The following FCHSD2 variants were observed in gnomAD, a reference collection of about 807,000 sequenced individuals.
FCHSD2 encodes the protein FCH and double SH3 domains 2.
A neutral mutation model predicts 108.1 loss-of-function variants in FCHSD2; 38 were observed. The ratio of observed to expected loss-of-function variants is 0.35; its 90% CI spans 0.27 to 0.46. The LOEUF is 0.46. FCHSD2 is among the 20% of genes least tolerant of loss of function. The probability of loss-of-function intolerance (pLI) is 1.00; values close to 1 mark genes in which losing one functional copy is unlikely to be tolerated. For missense variants in FCHSD2, 751 were observed against 897.8 expected (o/e 0.84, Z 2.09); for synonymous variants, 279 against 314.7 (o/e 0.89, Z 1.20).
Position 72,988,960 on chromosome 11 carries a change from A to G in FCHSD2, c.521+4T>C. 1 of 1,600,492 alleles carries G rather than the reference A, an allele frequency of 6.2e-7. No homozygotes were observed. The highest frequency in any genetic ancestry group is 8.5e-7 in the Non-Finnish European group (1 of 1,174,396). On this transcript the variant is annotated splice_donor_region_variant and intron_variant, in intron 6 of 19. Coordinates refer to ENST00000409418, the MANE Select transcript of FCHSD2 (RefSeq NM_014824.3). ...AATTTTCTCAGAAATGTTAAAACAC[A>G]TACTTTGCCTCGATGTCAGCTTTCT... is the stretch of plus-strand genomic sequence containing the variant.
intron 8 of FCHSD2, chr11:72,940,574 G>C: frequency 1.6e-6 from 2 of 1,248,250 alleles, no homozygotes; most frequent in Non-Finnish European, 2.3e-6. Context: ...CTGAGAGTCA[G>C]CTGCTGGCAG....
At chr11:73,052,708 G>T (rs554771205) in intron 3 of FCHSD2, among the ~76,000 whole-genome samples, 7 of 152,006 alleles carry the variant, frequency 4.6e-5, no homozygotes, top group African/African-American at 1.7e-4. Context: ...TTATATATTC[G>T]GTATTTTTAA....
At chr11:73,087,910 C>T (rs1476443711) in intron 2 of FCHSD2, among the ~76,000 whole-genome samples, 1 of 152,072 alleles carries the variant, frequency 6.6e-6, no homozygotes, top group Admixed American at 6.6e-5. Flanking sequence ...CATCTTTTTC[C>T]GTCTGTCTCC....
At chr11:72,944,462 T>C (rs1425777783) in intron 8 of FCHSD2, among the ~76,000 whole-genome samples, 3 of 152,270 alleles carry the variant, frequency 2.0e-5, no homozygotes, top group African/African-American at 7.2e-5. Flanking sequence ...GGGCAAAAAC[T>C]GGAAGCATTC....
At chr11:72,890,742 G>A (rs966740855) in intron 10 of FCHSD2, among the ~76,000 whole-genome samples, 1 of 151,696 alleles carries the variant, frequency 6.6e-6, no homozygotes, top group Non-Finnish European at 1.5e-5. Context: ...CAGAGGCTCA[G>A]AGAGGTTAAT....
rs11235607 is a variant in FCHSD2, at chr11:72,845,377, G to A, written c.1444-1845C>T. Among the ~76,000 whole-genome samples, 786 of 146,052 alleles carry A rather than the reference G, an allele frequency of 5.4e-3. 8 individuals are homozygous for A. Among genetic ancestry groups the A allele is most frequent in the African/African-American group, 0.019 (726 of 38,786 alleles). On this transcript the variant is annotated intron_variant, in intron 14 of 19. Transcript: ENST00000409418. Reference sequence around the variant, plus strand: ...CAGAGGTTGCAGGGAGGCAGAGGTTGCAGTGAGCCGAGATCACACCACTGC... The same window carrying A: ...CAGAGGTTGCAGGGAGGCAGAGGTTACAGTGAGCCGAGATCACACCACTGC...
intron 10 of FCHSD2, among the ~76,000 whole-genome samples, chr11:72,897,949 T>C (rs1319123002): frequency 6.6e-6 from 1 of 152,218 alleles, no homozygotes; most frequent in East Asian, 1.9e-4. Context: ...GAAATGATAA[T>C]TGAAGATATA....
chr11:72,886,819 C>G (rs1375704583), intron 12 of FCHSD2, among the ~76,000 whole-genome samples: 1 of 152,152 alleles, frequency 6.6e-6, no homozygotes, highest in African/African-American at 2.4e-5. Context: ...CTCTCCCTAT[C>G]TAGAGCAGGG....
At chr11:72,961,198 A>C (rs560512458) in intron 8 of FCHSD2, among the ~76,000 whole-genome samples, 2 of 152,166 alleles carry the variant, frequency 1.3e-5, no homozygotes, top group South Asian at 2.1e-4. Flanking sequence ...AGGTGTTTCT[A>C]GGTCATTTTG....
chr11:72,970,833 C>T (rs868565072), intron 8 of FCHSD2, among the ~76,000 whole-genome samples: 1 of 152,150 alleles, frequency 6.6e-6, no homozygotes, highest in African/African-American at 2.4e-5. Context: ...ACAAAACATA[C>T]CCCTAACCCC....
At chr11:73,050,185 T>C (rs1858866022) in intron 3 of FCHSD2, among the ~76,000 whole-genome samples, 1 of 152,206 alleles carries the variant, frequency 6.6e-6, no homozygotes, top group African/African-American at 2.4e-5. Flanking sequence ...CAAATAGGTA[T>C]GTCCGTGGTC....
At chr11:72,941,081 G>A (rs957521812) in intron 8 of FCHSD2, 31 of 589,980 alleles carry the variant, frequency 5.3e-5, no homozygotes, top group African/African-American at 2.8e-4. Flanking sequence ...TAGAGAAGGC[G>A]CAAAACTCTC....
chr11:72,877,589 T>G (rs72969874), intron 12 of FCHSD2, among the ~76,000 whole-genome samples: 1 of 152,344 alleles, frequency 6.6e-6, no homozygotes, highest in Non-Finnish European at 1.5e-5. Context: ...CTTAGAGATA[T>G]ATTTATTCTA....
intron 3 of FCHSD2, among the ~76,000 whole-genome samples, chr11:73,038,298 T>C (rs1464430720): frequency 6.6e-6 from 1 of 150,640 alleles, no homozygotes; most frequent in Non-Finnish European, 1.5e-5. Context: ...GCTATGATTG[T>C]GCCACTGCAC....
intron 2 of FCHSD2, among the ~76,000 whole-genome samples, chr11:73,084,130 T>C (rs553402407): frequency 6.6e-6 from 1 of 152,366 alleles, no homozygotes; most frequent in African/African-American, 2.4e-5. Flanking sequence ...TGGCTACTGT[T>C]ATAAGAATAG....
At chr11:72,979,992 T>C (rs994446664) in intron 8 of FCHSD2, among the ~76,000 whole-genome samples, 17 of 152,160 alleles carry the variant, frequency 1.1e-4, no homozygotes, top group African/African-American at 4.1e-4. Context: ...TTTTGTTCCC[T>C]AAGAAGGCAG....
At chr11:73,139,154 A>G (rs1341581569) in intron 2 of FCHSD2, among the ~76,000 whole-genome samples, 1 of 152,212 alleles carries the variant, frequency 6.6e-6, no homozygotes, top group Non-Finnish European at 1.5e-5. Context: ...TTTGGGCTAT[A>G]AACAGCAATC....
Position 72,842,727 on chromosome 11 carries a change from A to G in FCHSD2, c.1820T>C (p.Phe607Ser). 6.2e-7 allele frequency: 1 copy of G among 1,614,026 alleles called. No homozygotes were observed. Among genetic ancestry groups the G allele is most frequent in the Non-Finnish European group, 8.5e-7 (1 of 1,179,898 alleles). ...ACGCCCATTGAATTCCCCTTCCCAGAAGCCATCATCATCTTGGTTTTCTTT... is the reference window on the plus strand; with the variant it reads ...ACGCCCATTGAATTCCCCTTCCCAGGAGCCATCATCATCTTGGTTTTCTTT... The part of the protein sequence containing the change: ...LNKENQDDDG[F>S]WEGEFNGRIG... Residue 607 changes from phenylalanine (F) to serine (S), a missense_variant, in exon 17 of 20, where the codon TTC becomes TCC. Transcript: ENST00000409418.
chr11:73,106,110 T>A (rs538219218), intron 2 of FCHSD2, among the ~76,000 whole-genome samples: 1 of 152,056 alleles, frequency 6.6e-6, no homozygotes, highest in African/African-American at 2.4e-5. Flanking sequence ...CAAAAGTAAA[T>A]AATTAATTTT....
Sources: allele counts gnomAD v4.1 joint callset (sites outside exome capture counted in the v4.1 genomes callset), GRCh38; gene constraint gnomAD v4.1.1; transcripts MANE v1.5; gene names NCBI Gene and HGNC (gene_info 2026-07-23, HGNC 2026-07-21).